The following KIFAP3 variants were observed in gnomAD, a reference collection of about 807,000 sequenced individuals.
KIFAP3 encodes kinesin associated protein 3, also known as kinesin-associated protein 3.
A neutral mutation model predicts 106.5 loss-of-function variants in KIFAP3; 68 were observed. The ratio of observed to expected loss-of-function variants is 0.64; its 90% CI spans 0.53 to 0.78. The LOEUF is 0.78. Among genes scored for constraint, KIFAP3 ranks in the 30% least tolerant of loss-of-function variants. The probability of loss-of-function intolerance (pLI) is 0.00; values close to 1 mark genes in which losing one functional copy is unlikely to be tolerated. For synonymous variants in KIFAP3, 320 were observed against 311.5 expected (o/e 1.03, Z -0.29); for missense variants, 780 against 941.8 (o/e 0.83, Z 2.25).
intron 11 of KIFAP3, among the ~76,000 whole-genome samples, chr1:169,984,945 T>C (rs531582426): frequency 1.7e-4 from 26 of 151,954 alleles, no homozygotes; most frequent in Admixed American, 6.6e-4. Flanking sequence ...AAATATTAGA[T>C]AAAACATCTG....
At chr1:170,042,621 G>A (rs895600945) in intron 3 of KIFAP3, among the ~76,000 whole-genome samples, 2 of 152,160 alleles carry the variant, frequency 1.3e-5, no homozygotes, top group Non-Finnish European at 2.9e-5. Flanking sequence ...TACTAACTGA[G>A]GGTTCCTCTC....
At chr1:169,933,282 TCA>T (rs1350246936) in intron 19 of KIFAP3, among the ~76,000 whole-genome samples, 2 of 152,068 alleles carry the variant, frequency 1.3e-5, no homozygotes, top group Non-Finnish European at 2.9e-5. Context: ...GAAAAATATT[TCA>T]CAGTTATTTA....
rs147670873 is a variant in KIFAP3, at chr1:169,976,791, A to C, written c.1897+1294T>G. ...GAATGCAGTGGCACAATCATAGCTC[A>C]CTGCAGCCTTGACCTCTCAGGTTCA... On this transcript the variant is annotated intron_variant, in intron 16 of 19. Transcript: ENST00000361580. 5.9e-3 allele frequency among the ~76,000 whole-genome samples: 893 copies of C among 152,198 alleles called. 4 individuals are homozygous for C. The highest frequency in any genetic ancestry group is 0.02 in the African/African-American group (842 of 41,538).
intron 10 of KIFAP3, among the ~76,000 whole-genome samples, chr1:169,997,040 C>T (rs1667402044): frequency 6.6e-6 from 1 of 152,140 alleles, no homozygotes; most frequent in African/African-American, 2.4e-5. Context: ...ATGAGAAAAA[C>T]AAGGTGCTAG....
intron 8 of KIFAP3, 45 bp downstream of exon 8, chr1:170,031,841 G>T: frequency 1.7e-6 from 2 of 1,169,668 alleles, no homozygotes; most frequent in Non-Finnish European, 2.5e-6. Flanking sequence ...AAATGTATTT[G>T]GAGTAAGTAC....
chr1:170,013,701 G>A (rs1413372548), intron 10 of KIFAP3, among the ~76,000 whole-genome samples: 4 of 151,992 alleles, frequency 2.6e-5, no homozygotes, highest in Non-Finnish European at 5.9e-5. Context: ...AGAGATTCTG[G>A]TAATCCTGAA....
At chr1:170,029,540 T>C (rs1002816495) in intron 8 of KIFAP3, among the ~76,000 whole-genome samples, 3 of 151,938 alleles carry the variant, frequency 2.0e-5, no homozygotes, top group Non-Finnish European at 4.4e-5. Context: ...TAAATATCTG[T>C]ATTTGAGAAG....
intron 19 of KIFAP3, among the ~76,000 whole-genome samples, chr1:169,944,915 A>G (rs1264234673): frequency 6.6e-6 from 1 of 152,078 alleles, no homozygotes; most frequent in Non-Finnish European, 1.5e-5. Flanking sequence ...TTTGGGTGGG[A>G]GACTCCACCT....
chr1:169,946,386 A>T (rs1024396585), intron 19 of KIFAP3, among the ~76,000 whole-genome samples: 1 of 152,120 alleles, frequency 6.6e-6, no homozygotes, highest in Non-Finnish European at 1.5e-5. Flanking sequence ...CAAACTGGGT[A>T]AACAGTATGT....
At chr1:170,040,236 A>C (rs1226646784) in intron 3 of KIFAP3, among the ~76,000 whole-genome samples, 1 of 152,160 alleles carries the variant, frequency 6.6e-6, no homozygotes, top group Non-Finnish European at 1.5e-5. Context: ...TGTTTCAATC[A>C]CTTTTAAGAT....
At chr1:169,982,182 A>G in intron 14 of KIFAP3, 85 bp from the exon 15 acceptor site, 1 of 1,332,904 alleles carries the variant, frequency 7.5e-7, no homozygotes, top group Non-Finnish European at 1.0e-6. Flanking sequence ...ATACACAGAA[A>G]GGATACTGAA....
intron 1 of KIFAP3, among the ~76,000 whole-genome samples, chr1:170,073,505 C>G (rs1279188182): frequency 6.6e-6 from 1 of 152,188 alleles, no homozygotes; most frequent in Non-Finnish European, 1.5e-5. Context: ...ATACCACCAC[C>G]TTACATTCAT....
chr1:170,044,507 T>C (rs939985603), intron 3 of KIFAP3, among the ~76,000 whole-genome samples: 5 of 152,216 alleles, frequency 3.3e-5, no homozygotes, highest in Non-Finnish European at 7.3e-5. Flanking sequence ...TGCCTTGTTA[T>C]AGGACATTAA....
chr1:169,981,846 T>G (rs1666539512), intron 15 of KIFAP3, 126 bp downstream of exon 15: 1 of 711,882 alleles, frequency 1.4e-6, no homozygotes, highest in Non-Finnish European at 2.3e-6. Flanking sequence ...TTCTTGATTA[T>G]ATAAGTTGCT....
chr1:170,022,710 T>C (rs1463184912), intron 9 of KIFAP3, among the ~76,000 whole-genome samples: 1 of 152,028 alleles, frequency 6.6e-6, no homozygotes, highest in Non-Finnish European at 1.5e-5. Context: ...AGTAAAAATC[T>C]GGCTAATCAA....
At chr1:170,080,365 A>G (rs2150111) in intron 1 of KIFAP3, among the ~76,000 whole-genome samples, 15,991 of 152,144 alleles carry the variant, frequency 0.11, 998 homozygotes, top group East Asian at 0.19. Flanking sequence ...TAGATTCTAT[A>G]TAACTCCAAT....
intron 16 of KIFAP3, among the ~76,000 whole-genome samples, chr1:169,976,004 G>C (rs1666205098): frequency 6.6e-6 from 1 of 152,118 alleles, no homozygotes; most frequent in Admixed American, 6.6e-5. Flanking sequence ...TGCAAAGAAA[G>C]TTACACTGAA....
chr1:170,080,478 A>G (rs1280321979), intron 1 of KIFAP3, among the ~76,000 whole-genome samples: 1 of 152,108 alleles, frequency 6.6e-6, no homozygotes, highest in African/African-American at 2.4e-5. Context: ...ACAAATTTGA[A>G]AGGCTTCATG....
At chr1:170,001,212 C>T (rs1667653096) in intron 10 of KIFAP3, among the ~76,000 whole-genome samples, 1 of 152,120 alleles carries the variant, frequency 6.6e-6, no homozygotes, top group Non-Finnish European at 1.5e-5. Context: ...AATACACATA[C>T]TTGTGGTACA....
Sources: gnomAD v4.1 joint callset for allele counts (sites outside exome capture counted in the v4.1 genomes callset) on GRCh38, gnomAD v4.1.1 for gene constraint, MANE v1.5 for transcripts, NCBI Gene and HGNC (gene_info 2026-07-23, HGNC 2026-07-21) for gene names.